Variants in DCDC1 observed in about 807,000 individuals in gnomAD.
DCDC1 encodes the protein doublecortin domain containing 1.
A neutral mutation model predicts 178.3 loss-of-function variants in DCDC1; 200 were observed. The observed-to-expected ratio is 1.12, with a 90% CI of 1.00 to 1.26. The LOEUF (loss-of-function observed/expected upper bound fraction) is 1.26. Ranked by LOEUF, DCDC1 falls within the 50% of genes most tolerant of loss-of-function variation. The pLI is 0.00. For synonymous variants in DCDC1, 690 were observed against 604.8 expected, an observed-to-expected ratio of 1.14 and a Z score of -2.07; for missense variants, 1,983 against 1,749.2, an observed-to-expected ratio of 1.13 and a Z score of -2.38.
chr11:31,295,719 A>G (rs181247724), intron 6 of DCDC1, among the ~76,000 whole-genome samples: 5 of 152,068 alleles, frequency 3.3e-5, no homozygotes, highest in East Asian at 3.9e-4. Flanking sequence ...ACTCCCTTAC[A>G]TGGTTCAACT....
chr11:30,963,890 T>C (rs163865), intron 20 of DCDC1, among the ~76,000 whole-genome samples: 10,019 of 152,146 alleles, frequency 0.066, 1,071 homozygotes, highest in African/African-American at 0.23. Context: ...TTTTCTGCTA[T>C]CTACTTCTGG....
At chr11:31,078,022 G>A (rs1956965443) in intron 17 of DCDC1, 97 bp from the exon 18 acceptor site, 1 of 698,752 alleles carries the variant, frequency 1.4e-6, no homozygotes, top group South Asian at 1.5e-5. Context: ...AGCCTGGCAG[G>A]AGGACTGCCC....
chr11:31,120,653 T>C (rs1327502345), intron 11 of DCDC1, among the ~76,000 whole-genome samples: 2 of 152,138 alleles, frequency 1.3e-5, no homozygotes, highest in African/African-American at 4.8e-5. Flanking sequence ...TCTCAGAGCA[T>C]CACTGACCAA....
chr11:31,115,642 G>A (rs990722359), intron 11 of DCDC1, among the ~76,000 whole-genome samples: 1 of 152,168 alleles, frequency 6.6e-6, no homozygotes, highest in East Asian at 1.9e-4. Flanking sequence ...AACATACAAG[G>A]TTAACTTACA....
At chr11:31,140,378 C>T (rs1221871125) in intron 9 of DCDC1, among the ~76,000 whole-genome samples, 1 of 152,080 alleles carries the variant, frequency 6.6e-6, no homozygotes, top group African/African-American at 2.4e-5. Context: ...GAAATCAAGT[C>T]ACTTGGTTCT....
At chr11:31,199,545 A>G (rs1971062784) in intron 9 of DCDC1, among the ~76,000 whole-genome samples, 1 of 152,128 alleles carries the variant, frequency 6.6e-6, no homozygotes, top group Admixed American at 6.6e-5. Context: ...GTTCCGATTA[A>G]AGTCTAACAA....
At chr11:31,292,316 T>G (rs774498719) in intron 6 of DCDC1, among the ~76,000 whole-genome samples, 1 of 152,150 alleles carries the variant, frequency 6.6e-6, no homozygotes, top group South Asian at 2.1e-4. Context: ...TGAACACACA[T>G]GTTCATAGCA....
rs185310624 is a variant in DCDC1, at chr11:30,894,299, G to C, written c.4851C>G (p.Thr1617=). The part of the protein sequence containing the change: ...VQPVVVEGGW[T]EQTQQEIKLM... ...GTTTAATTTCCTGTTGAGTCTGTTCGGTCCAGCCTCCTTCAACCACCACGG... is the reference window on the plus strand; with the variant it reads ...GTTTAATTTCCTGTTGAGTCTGTTCCGTCCAGCCTCCTTCAACCACCACGG... The change falls in exon 35 of 39, where the codon ACC becomes ACG. Residue 1617 remains threonine, a synonymous_variant. Transcript: ENST00000684477. 1 of 1,613,642 alleles carries C rather than the reference G, an allele frequency of 6.2e-7. No homozygotes were observed. The highest frequency in any genetic ancestry group is 1.3e-5 in the African/African-American group (1 of 74,974).
chr11:31,198,548 C>A (rs1363280454), intron 9 of DCDC1, among the ~76,000 whole-genome samples: 1 of 151,974 alleles, frequency 6.6e-6, no homozygotes, highest in Non-Finnish European at 1.5e-5. Context: ...TAAACCTCTG[C>A]CACTAAAATG....
chr11:31,021,651 A>C (rs938952337), intron 20 of DCDC1, among the ~76,000 whole-genome samples: 2 of 152,166 alleles, frequency 1.3e-5, no homozygotes, highest in Non-Finnish European at 1.5e-5. Flanking sequence ...GTGTAGGAGA[A>C]AAAATTGTTA....
chr11:31,077,541 C>T (rs1164252179), intron 18 of DCDC1, among the ~76,000 whole-genome samples: 1 of 152,046 alleles, frequency 6.6e-6, no homozygotes, highest in Non-Finnish European at 1.5e-5. Flanking sequence ...TAGACATGTT[C>T]AACAGTAGTA....
intron 27 of DCDC1, among the ~76,000 whole-genome samples, chr11:30,914,235 C>T (rs1237067793): frequency 6.6e-6 from 1 of 152,238 alleles, no homozygotes; most frequent in Non-Finnish European, 1.5e-5. Context: ...TCTGTCTACA[C>T]AATTGGTTTT....
intron 9 of DCDC1, among the ~76,000 whole-genome samples, chr11:31,202,456 T>C (rs1325432438): frequency 6.6e-6 from 1 of 151,470 alleles, no homozygotes; most frequent in Non-Finnish European, 1.5e-5. Flanking sequence ...TTGTGGTCCC[T>C]GTTACTCAGG....
chr11:30,901,579 G>A (rs1471085850), intron 32 of DCDC1, among the ~76,000 whole-genome samples: 1 of 152,084 alleles, frequency 6.6e-6, no homozygotes, highest in African/African-American at 2.4e-5. Context: ...CATAAAAGGG[G>A]GCAGCCTACT....
At chr11:31,250,180 G>C (rs944739699) in intron 8 of DCDC1, among the ~76,000 whole-genome samples, 1 of 151,594 alleles carries the variant, frequency 6.6e-6, no homozygotes, top group Non-Finnish European at 1.5e-5. Flanking sequence ...CAAAGTAGGA[G>C]AACATGTAAT....
In DCDC1 at chr11:31,115,278, CT is replaced by C. The variant is rs570632460; in HGVS notation, c.1486-4918del. ...ATCACTTATGACATCTATTTAAGGACTTGTGCAAGGCCTAGTTCAGTACTAT... is the reference window on the plus strand; with the variant it reads ...ATCACTTATGACATCTATTTAAGGACTGTGCAAGGCCTAGTTCAGTACTAT... On this transcript the variant is annotated intron_variant, in intron 11 of 38. Transcript: ENST00000684477. Among the ~76,000 whole-genome samples the C allele has an allele frequency of 8.1e-4, 124 of 152,264 alleles. 1 individual carries two copies. Among genetic ancestry groups the C allele is most frequent in the Non-Finnish European group, 1.6e-3 (109 of 68,010 alleles).
At chr11:31,079,141 T>C (rs914384723) in intron 17 of DCDC1, among the ~76,000 whole-genome samples, 10 of 152,148 alleles carry the variant, frequency 6.6e-5, no homozygotes, top group African/African-American at 2.4e-4. Context: ...ATGATTCAAA[T>C]ACTGGAACTT....
At chr11:30,886,740 C>T (rs1232187534) in intron 36 of DCDC1, among the ~76,000 whole-genome samples, 1 of 151,598 alleles carries the variant, frequency 6.6e-6, no homozygotes, top group Non-Finnish European at 1.5e-5. Flanking sequence ...ACAATTCAAT[C>T]CATAGCAGTC....
rs537256520 is a variant in DCDC1, at chr11:30,881,306, C to T, written c.5085G>A (p.Leu1695=). Residue 1695 remains leucine, a splice_region_variant and synonymous_variant, in exon 37 of 39, where the codon CTG becomes CTA. Transcript: ENST00000684477. ...TYAWGKTISE[L]LQDCSSRLKM... is the part of the protein sequence containing the mutation. ...TGAGACGAGAGGAGCAGTCTTGCAG[C>T]AGCTGAGACACAGAGGGACAGCCAC... 6.0e-5 allele frequency: 97 copies of T among 1,612,898 alleles called. No individual in the cohort carries two copies. The highest frequency in any genetic ancestry group is 1.0e-4 in the Admixed American group (6 of 59,860).
Sources: allele counts gnomAD v4.1 joint callset (sites outside exome capture counted in the v4.1 genomes callset), GRCh38; gene constraint gnomAD v4.1.1; transcripts MANE v1.5; gene names NCBI Gene and HGNC (gene_info 2026-07-23, HGNC 2026-07-21).